AGK: variants seen among roughly 807,000 people sequenced by gnomAD.
The protein encoded by AGK is acylglycerol kinase, mitochondrial.
AGK carries 52 observed loss-of-function variants against 66.4 expected under a neutral mutation model. The ratio of observed to expected loss-of-function variants is 0.78; its 90% CI spans 0.63 to 0.99. AGK has a LOEUF of 0.99. Ranked by LOEUF, AGK falls within the 50% of genes least tolerant of loss-of-function variation. AGK has a pLI of 0.00. For synonymous variants in AGK, 182 were observed against 181.1 expected (o/e 1.00, Z -0.04); for missense variants, 451 against 506.6 (o/e 0.89, Z 1.05).
intron 2 of AGK, among the ~76,000 whole-genome samples, chr7:141,581,726 A>C (rs1795884118): frequency 6.6e-6 from 1 of 151,780 alleles, no homozygotes; most frequent in African/African-American, 2.4e-5. Context: ...ACTGGGGAAA[A>C]GGGTGGCAAT....
chr7:141,623,144 C>A (rs1383564455), intron 9 of AGK, among the ~76,000 whole-genome samples: 1 of 151,750 alleles, frequency 6.6e-6, no homozygotes, highest in East Asian at 1.9e-4. Context: ...GTTTGGGAGG[C>A]CGAGGTGGGT....
intron 2 of AGK, among the ~76,000 whole-genome samples, chr7:141,556,475 A>G (rs1304063951): frequency 1.4e-5 from 2 of 147,336 alleles, no homozygotes; most frequent in East Asian, 4.1e-4. Context: ...TGGGAGGTGG[A>G]GGTTGTGGTG....
intron 1 of AGK, among the ~76,000 whole-genome samples, chr7:141,553,789 T>A (rs1275689354): frequency 1.3e-5 from 2 of 152,146 alleles, no homozygotes; most frequent in Non-Finnish European, 1.5e-5. Flanking sequence ...CTGCTTTTGA[T>A]AAGGATGTTT....
chr7:141,602,008 G>A (rs1451362406), intron 5 of AGK, among the ~76,000 whole-genome samples: 2 of 151,740 alleles, frequency 1.3e-5, no homozygotes, highest in African/African-American at 4.9e-5. Flanking sequence ...GCCCCCGGGG[G>A]TAGGAGAAAG....
At chr7:141,611,977 T>C (rs1482301979) in intron 6 of AGK, among the ~76,000 whole-genome samples, 1 of 152,256 alleles carries the variant, frequency 6.6e-6, no homozygotes, top group Non-Finnish European at 1.5e-5. Flanking sequence ...CCAGCAATCA[T>C]GCTCCTTGGT....
intron 3 of AGK, chr7:141,593,817 A>G (rs562377653): frequency 1.9e-5 from 3 of 156,058 alleles, no homozygotes; most frequent in Admixed American, 1.3e-4. Context: ...GTTTTATATC[A>G]TTTGAGCTTA....
intron 5 of AGK, among the ~76,000 whole-genome samples, chr7:141,610,446 T>G (rs754058277): frequency 1.3e-5 from 2 of 152,188 alleles, no homozygotes; most frequent in Non-Finnish European, 2.9e-5. Context: ...GTATACATAT[T>G]ATTGGTGGCT....
intron 2 of AGK, among the ~76,000 whole-genome samples, chr7:141,575,568 C>T (rs1041354212): frequency 6.8e-6 from 1 of 148,034 alleles, no homozygotes. Context: ...AAGCATTGGA[C>T]TAGATAATTT....
chr7:141,600,575 G>A (rs1796320922), intron 4 of AGK, among the ~76,000 whole-genome samples: 1 of 152,088 alleles, frequency 6.6e-6, no homozygotes. Context: ...CTTTCTAATT[G>A]TGCCATACAT....
At chr7:141,568,782 G>T (rs1333014724) in intron 2 of AGK, among the ~76,000 whole-genome samples, 5 of 151,818 alleles carry the variant, frequency 3.3e-5, no homozygotes, top group Non-Finnish European at 7.4e-5. Context: ...CACCATGTTG[G>T]CCAGGCTGGT....
chr7:141,600,964 A>G (rs1796327687), intron 4 of AGK, among the ~76,000 whole-genome samples: 1 of 152,168 alleles, frequency 6.6e-6, no homozygotes, highest in Non-Finnish European at 1.5e-5. Context: ...AGCCTCCCAA[A>G]TGGATAAGAG....
intron 5 of AGK, 71 bp downstream of exon 5, chr7:141,601,351 CT>C: frequency 8.0e-7 from 1 of 1,246,876 alleles, no homozygotes; most frequent in Non-Finnish European, 1.1e-6. Context: ...CTCTTGGCTT[CT>C]TAGCAAAAAT....
chr7:141,615,959 G>A (rs1286175086), intron 8 of AGK: 1 of 161,906 alleles, frequency 6.2e-6, no homozygotes, highest in African/African-American at 2.4e-5. Flanking sequence ...TAGTAGCCTG[G>A]CTTCATTATC....
At chr7:141,579,269 A>C (rs949734169) in intron 2 of AGK, among the ~76,000 whole-genome samples, 2 of 152,048 alleles carry the variant, frequency 1.3e-5, no homozygotes, top group South Asian at 2.1e-4. Flanking sequence ...TTTTTAAAAG[A>C]CCATTAGTCC....
chr7:141,622,299 T>C (rs1169925471), intron 9 of AGK, among the ~76,000 whole-genome samples: 1 of 152,194 alleles, frequency 6.6e-6, no homozygotes. Context: ...ACCTTATCTT[T>C]GACCTCTTTG....
chr7:141,604,409 TAC>T (rs1483760078), intron 5 of AGK, among the ~76,000 whole-genome samples: 8 of 138,734 alleles, frequency 5.8e-5, no homozygotes, highest in African/African-American at 1.9e-4. Context: ...TATATACACA[TAC>T]ATACACACAC....
At chr7:141,551,733 A>C (rs1403151059) in intron 1 of AGK, among the ~76,000 whole-genome samples, 1 of 151,574 alleles carries the variant, frequency 6.6e-6, no homozygotes, top group Non-Finnish European at 1.5e-5. Flanking sequence ...TAACTTGTGG[A>C]CCCCCCTCAC....
chr7:141,639,518 A>G (rs538050276), intron 11 of AGK, among the ~76,000 whole-genome samples: 3 of 152,156 alleles, frequency 2.0e-5, no homozygotes, highest in Non-Finnish European at 4.4e-5. Flanking sequence ...TGGACAGGAC[A>G]AGGGGCACCT....
chr7:141,593,889 T>C (rs1335776496), intron 3 of AGK: 1 of 153,690 alleles, frequency 6.5e-6, no homozygotes, highest in Non-Finnish European at 1.4e-5. Flanking sequence ...GTGAAGCATT[T>C]AGTAATAAAA....
Sources: gnomAD v4.1 joint callset for allele counts (sites outside exome capture counted in the v4.1 genomes callset) on GRCh38, gnomAD v4.1.1 for gene constraint, MANE v1.5 for transcripts, NCBI Gene and HGNC (gene_info 2026-07-23, HGNC 2026-07-21) for gene names.